Variants in DACH1 observed in about 807,000 individuals in gnomAD.
DACH1 encodes dachshund homolog 1.
DACH1 carries 12 observed loss-of-function variants against 54.2 expected under a neutral mutation model. The ratio of observed to expected loss-of-function variants is 0.22; its 90% CI spans 0.14 to 0.36. The LOEUF (loss-of-function observed/expected upper bound fraction) is 0.36. DACH1 is among the 10% of genes least tolerant of loss of function. The probability of loss-of-function intolerance (pLI) is 1.00; values close to 1 mark genes in which losing one functional copy is unlikely to be tolerated. For synonymous variants in DACH1, 386 were observed against 366.2 expected (o/e 1.05, Z -0.62); for missense variants, 805 against 929.8 (o/e 0.87, Z 1.75).
intron 1 of DACH1, among the ~76,000 whole-genome samples, chr13:71,694,169 T>C (rs762141377): frequency 1.3e-5 from 2 of 151,900 alleles, no homozygotes; most frequent in Non-Finnish European, 2.9e-5. Flanking sequence ...AAAATGTACA[T>C]AACTAATTTG....
chr13:71,723,682 T>TTTTTG (rs112149480), intron 1 of DACH1, among the ~76,000 whole-genome samples: 5,665 of 152,076 alleles, frequency 0.037, 281 homozygotes, highest in African/African-American at 0.11. Context: ...TTGTTTTGCT[T>TTTTTG]TTTTGTTTTG....
chr13:71,583,324 T>A (rs1008602279), intron 3 of DACH1, among the ~76,000 whole-genome samples: 33 of 151,988 alleles, frequency 2.2e-4, no homozygotes, highest in African/African-American at 8.0e-4. Context: ...TTTGCAAAAA[T>A]TTTTCCCAAC....
At chr13:71,551,142 G>C (rs763695679) in intron 6 of DACH1, among the ~76,000 whole-genome samples, 13 of 151,836 alleles carry the variant, frequency 8.6e-5, no homozygotes, top group Middle Eastern at 3.4e-3. Context: ...GAATTTAAAA[G>C]AAAAAAGCCA....
intron 1 of DACH1, among the ~76,000 whole-genome samples, chr13:71,779,266 T>TAC (rs1566495215): frequency 4.8e-5 from 3 of 62,580 alleles, no homozygotes; most frequent in African/African-American, 2.9e-4. Flanking sequence ...TATATATGTG[T>TAC]ATATATACGT....
Position 71,440,237 on chromosome 13 carries a change from A to G in DACH1, c.*418T>C, listed in dbSNP as rs1197078746. The G allele has an allele frequency of 6.5e-6, 1 of 154,826 alleles. No homozygotes were observed. Among genetic ancestry groups the G allele is most frequent in the East Asian group, 1.9e-4 (1 of 5,226 alleles). 9.6% of individuals were successfully genotyped at this position (154,826 alleles called of 1,614,324 possible). A position where few individuals can be genotyped will look rare whatever the true frequency, so the allele number is the denominator to read the frequency against. ...GTGTTCTTGCTGGTTTCTGGAGGAC[A>G]TAATTCTGTAAGTCTGGGTAACCAC... On this transcript the variant is annotated 3_prime_UTR_variant, in exon 11 of 11. Coordinates refer to ENST00000613252, the MANE Select transcript of DACH1 (RefSeq NM_080759.6).
intron 1 of DACH1, among the ~76,000 whole-genome samples, chr13:71,834,679 T>C (rs1888715262): frequency 6.7e-6 from 1 of 149,542 alleles, no homozygotes; most frequent in Admixed American, 6.6e-5. Flanking sequence ...GGACCCACCT[T>C]AACATTTAAG....
intron 1 of DACH1, among the ~76,000 whole-genome samples, chr13:71,706,482 ATTTATT>A (rs1882454543): frequency 1.3e-5 from 2 of 152,060 alleles, no homozygotes; most frequent in African/African-American, 4.8e-5. Context: ...TTTGTTTGCT[ATTTATT>A]TTTAATTATC....
chr13:71,671,945 G>GT (rs988806916), intron 2 of DACH1, among the ~76,000 whole-genome samples: 1 of 152,020 alleles, frequency 6.6e-6, no homozygotes, highest in African/African-American at 2.4e-5. Context: ...TGATTCTATT[G>GT]TATCATCCAC....
chr13:71,687,331 A>T (rs1881223475), intron 1 of DACH1, among the ~76,000 whole-genome samples: 1 of 152,154 alleles, frequency 6.6e-6, no homozygotes, highest in African/African-American at 2.4e-5. Flanking sequence ...TGGAATCATG[A>T]AGAGTCATGT....
intron 1 of DACH1, among the ~76,000 whole-genome samples, chr13:71,832,199 A>G (rs978617485): frequency 6.6e-6 from 1 of 151,978 alleles, no homozygotes; most frequent in African/African-American, 2.4e-5. Flanking sequence ...AGAGAAGACA[A>G]CTAAATGGGA....
intron 2 of DACH1, among the ~76,000 whole-genome samples, chr13:71,641,259 A>G (rs1475693220): frequency 6.6e-5 from 10 of 152,102 alleles, no homozygotes; most frequent in African/African-American, 2.4e-5. Flanking sequence ...GTACACATAC[A>G]TATATATACA....
At position 71,789,102 on chromosome 13, in the gene DACH1, C is replaced by A. The variant is rs1018563378; in HGVS notation, c.848+76820G>T. 1.1e-4 allele frequency among the ~76,000 whole-genome samples: 17 copies of A among 152,252 alleles called. No individual in the cohort carries two copies. In the East Asian group the frequency reaches 2.9e-3, roughly 26 times the overall value. On this transcript the variant is annotated intron_variant, in intron 1 of 10. Coordinates refer to ENST00000613252, the MANE Select transcript of DACH1 (RefSeq NM_080759.6). ...CAGTTCACAAGATTCCTTTATCTCA[C>A]ATGGATAAAGTAAGCCAAGTCAAAT...
chr13:71,816,562 ATG>A (rs1296905333), intron 1 of DACH1, among the ~76,000 whole-genome samples: 1 of 148,646 alleles, frequency 6.7e-6, no homozygotes, highest in Admixed American at 6.8e-5. Flanking sequence ...ATATACATAT[ATG>A]TGTGTATATA....
At chr13:71,782,216 G>A (rs907668860) in intron 1 of DACH1, among the ~76,000 whole-genome samples, 1 of 152,156 alleles carries the variant, frequency 6.6e-6, no homozygotes, top group East Asian at 1.9e-4. Context: ...CAAGGCAGGT[G>A]GATCGCTTGA....
intron 1 of DACH1, among the ~76,000 whole-genome samples, chr13:71,740,638 G>A (rs1472018012): frequency 6.6e-6 from 1 of 152,136 alleles, no homozygotes; most frequent in African/African-American, 2.4e-5. Context: ...ATAAGGTAAA[G>A]GTAGCAACAG....
At chr13:71,813,132 C>T (rs1887783319) in intron 1 of DACH1, among the ~76,000 whole-genome samples, 1 of 151,978 alleles carries the variant, frequency 6.6e-6, no homozygotes, top group Non-Finnish European at 1.5e-5. Context: ...TAACTGAGTA[C>T]CTACTATGTT....
At chr13:71,835,403 C>T (rs1309102590) in intron 1 of DACH1, among the ~76,000 whole-genome samples, 2 of 152,046 alleles carry the variant, frequency 1.3e-5, no homozygotes, top group South Asian at 2.1e-4. Context: ...TCATGAGAAA[C>T]TCTGTAATGC....
At chr13:71,501,352 G>T (rs1336084434) in intron 6 of DACH1, among the ~76,000 whole-genome samples, 1 of 152,082 alleles carries the variant, frequency 6.6e-6, no homozygotes, top group Non-Finnish European at 1.5e-5. Flanking sequence ...AGCCTAATGG[G>T]ATATTTAGTA....
At chr13:71,644,823 C>T (rs1007019717) in intron 2 of DACH1, among the ~76,000 whole-genome samples, 13 of 152,174 alleles carry the variant, frequency 8.5e-5, no homozygotes, top group Admixed American at 7.9e-4. Flanking sequence ...AGGCTCCCTA[C>T]TAAGAAGTGC....
Sources: gnomAD v4.1 joint callset for allele counts (sites outside exome capture counted in the v4.1 genomes callset) on GRCh38, gnomAD v4.1.1 for gene constraint, MANE v1.5 for transcripts, NCBI Gene and HGNC (gene_info 2026-07-23, HGNC 2026-07-21) for gene names.